Variants in AFAP1L1 observed in about 807,000 individuals in gnomAD.
The protein encoded by AFAP1L1 is actin filament associated protein 1 like 1.
In AFAP1L1, 77 loss-of-function variants were observed where a neutral mutation model predicts 99.8. The ratio of observed to expected loss-of-function variants is 0.77; its 90% CI spans 0.64 to 0.93. The LOEUF (loss-of-function observed/expected upper bound fraction) is 0.93. AFAP1L1 is among the 40% of genes least tolerant of loss of function. AFAP1L1 has a pLI of 0.00. For missense variants in AFAP1L1, 893 were observed against 996.8 expected, an observed-to-expected ratio of 0.90 and a Z score of 1.40; for synonymous variants, 373 against 395.3, an observed-to-expected ratio of 0.94 and a Z score of 0.67.
At chr5:149,302,179 T>C (rs932943017) in intron 4 of AFAP1L1, among the ~76,000 whole-genome samples, 3 of 152,214 alleles carry the variant, frequency 2.0e-5, no homozygotes, top group Non-Finnish European at 4.4e-5. Context: ...ACTACTACTG[T>C]TTGGCAGTCC....
Position 149,315,920 on chromosome 5 carries a change from A to T in AFAP1L1, c.1114+6A>T. 1 of 1,613,862 alleles carries T rather than the reference A, an allele frequency of 6.2e-7. No homozygotes were observed. Among genetic ancestry groups the T allele is most frequent in the Non-Finnish European group, 8.5e-7 (1 of 1,179,936 alleles). On this transcript the variant is annotated splice_donor_region_variant and intron_variant, in intron 10 of 18. Transcript: ENST00000296721. Reference sequence around the variant, plus strand: ...CCGGGAGACCTGTGATCACGGTAGGAGCCTCTGGGGGCTCAGGCTGGGGAA... The same window carrying T: ...CCGGGAGACCTGTGATCACGGTAGGTGCCTCTGGGGGCTCAGGCTGGGGAA...
intron 5 of AFAP1L1, among the ~76,000 whole-genome samples, 178 bp from the exon 6 acceptor site, chr5:149,306,128 G>T (rs902747225): frequency 6.6e-6 from 1 of 152,192 alleles, no homozygotes; most frequent in African/African-American, 2.4e-5. Flanking sequence ...CAGAGGGACT[G>T]TGGAGAGCTA....
intron 13 of AFAP1L1, 150 bp downstream of exon 13, chr5:149,319,877 C>G (rs1204280526): frequency 1.6e-6 from 2 of 1,226,374 alleles, no homozygotes; most frequent in Non-Finnish European, 1.1e-6. Context: ...GTGTCTTCCT[C>G]TTCCAGCAAA....
At chr5:149,317,632 C>A in intron 11 of AFAP1L1, 97 bp from the exon 12 acceptor site, 1 of 1,297,816 alleles carries the variant, frequency 7.7e-7, no homozygotes, top group Non-Finnish European at 1.1e-6. Flanking sequence ...TGACCAGGAC[C>A]CCGAGGCCTT....
Position 149,332,833 on chromosome 5 carries a change from CAGCCCTGGGGCTCTCCGTGAGCAGCA to C in AFAP1L1, c.2120_2145del (p.Leu707GlnfsTer8). 1 of 1,610,598 alleles carries C rather than the reference CAGCCCTGGGGCTCTCCGTGAGCAGCA, an allele frequency of 6.2e-7. No individual in the cohort carries two copies. Among genetic ancestry groups the C allele is most frequent in the Non-Finnish European group, 8.5e-7 (1 of 1,179,218 alleles). On this transcript the variant is annotated frameshift_variant, in exon 17 of 19. Coordinates refer to ENST00000296721, the MANE Select transcript of AFAP1L1 (RefSeq NM_152406.4). LOFTEE classifies it high-confidence loss of function. ...TTGCAGCAGTCCCTGGCAGGAGGGCCAGCCCTGGGGCTCTCCGTGAGCAGCAAGCCCAAGAGTGGGGTGAGTCCAGG... is the reference window on the plus strand; with the variant it reads ...TTGCAGCAGTCCCTGGCAGGAGGGCCAGCCCAAGAGTGGGGTGAGTCCAGG...
At chr5:149,275,709 C>T (rs759502444) in intron 1 of AFAP1L1, among the ~76,000 whole-genome samples, 13 of 152,018 alleles carry the variant, frequency 8.6e-5, no homozygotes, top group South Asian at 2.1e-4. Context: ...GGTTTCACCA[C>T]GTTAGCCAGG....
chr5:149,316,118 T>C (rs1183495379), intron 10 of AFAP1L1, 33 bp from the exon 11 acceptor site: 1 of 1,601,730 alleles, frequency 6.2e-7, no homozygotes, highest in Non-Finnish European at 8.5e-7. Context: ...GACTCAGGGC[T>C]CCCTCCACTC....
intron 1 of AFAP1L1, among the ~76,000 whole-genome samples, chr5:149,295,856 C>G (rs567614896): frequency 6.6e-6 from 1 of 152,254 alleles, no homozygotes; most frequent in African/African-American, 2.4e-5. Flanking sequence ...CTTTTCACTC[C>G]CATTCTCTAC....
intron 6 of AFAP1L1, among the ~76,000 whole-genome samples, chr5:149,306,632 C>T (rs1160858804): frequency 6.6e-6 from 1 of 152,246 alleles, no homozygotes; most frequent in Non-Finnish European, 1.5e-5. Flanking sequence ...CTTTTGATAA[C>T]TGATCTTAGG....
chr5:149,290,839 A>G (rs1344299179), intron 1 of AFAP1L1, among the ~76,000 whole-genome samples: 1 of 152,240 alleles, frequency 6.6e-6, no homozygotes, highest in Non-Finnish European at 1.5e-5. Context: ...AAAAGAAAAT[A>G]AAGTTTGCTC....
intron 1 of AFAP1L1, among the ~76,000 whole-genome samples, chr5:149,291,752 C>G (rs1755868558): frequency 6.6e-6 from 1 of 152,108 alleles, no homozygotes; most frequent in Non-Finnish European, 1.5e-5. Flanking sequence ...ACTCTAAAAT[C>G]ATGATCAGAA....
At chr5:149,313,093 T>G (rs1756686448) in intron 9 of AFAP1L1, among the ~76,000 whole-genome samples, 1 of 149,974 alleles carries the variant, frequency 6.7e-6, no homozygotes, top group African/African-American at 2.5e-5. Context: ...GCCATTGCAC[T>G]CCAGCCTGGG....
At chr5:149,303,685 A>AAC (rs145563644) in intron 5 of AFAP1L1, among the ~76,000 whole-genome samples, 34 of 151,850 alleles carry the variant, frequency 2.2e-4, no homozygotes, top group East Asian at 1.9e-4. Context: ...GGTGTACACA[A>AAC]ACACACACAC....
chr5:149,304,098 A>C (rs903479776), intron 5 of AFAP1L1, among the ~76,000 whole-genome samples: 1 of 152,194 alleles, frequency 6.6e-6, no homozygotes, highest in African/African-American at 2.4e-5. Context: ...TATTCTGGAC[A>C]TTTCACATAA....
Position 149,320,674 on chromosome 5 carries a change from TGG to T in AFAP1L1, c.1698+213_1698+214del, listed in dbSNP as rs1756925580. ...TGGTGTGGTGGAAAGAGACCCAGGT[TGG>T]GAGGAAGAAAGGGCTGTGCAGACTC... On this transcript the variant is annotated intron_variant, in intron 14 of 18. Coordinates refer to ENST00000296721, the MANE Select transcript of AFAP1L1 (RefSeq NM_152406.4). This position sits in a 1 kb window ranked among gnomAD's most constrained non-coding sequence, Gnocchi z 4.0. Among the ~76,000 whole-genome samples, 2 of 152,174 alleles carry T rather than the reference TGG, an allele frequency of 1.3e-5. No homozygotes were observed.
intron 1 of AFAP1L1, among the ~76,000 whole-genome samples, chr5:149,285,496 TGAAACCTGCCTGGGTGAG>T (rs1755650386): frequency 6.6e-6 from 1 of 152,172 alleles, no homozygotes; most frequent in African/African-American, 2.4e-5. Flanking sequence ...GGTGAAATGA[TGAAACCTGCCTGGGTGAG>T]GGAAGCCAAA....
At chr5:149,284,232 T>C (rs1324979880) in intron 1 of AFAP1L1, among the ~76,000 whole-genome samples, 1 of 152,200 alleles carries the variant, frequency 6.6e-6, no homozygotes, top group Non-Finnish European at 1.5e-5. Flanking sequence ...TTACTGGGTG[T>C]GTCCCAGTCC....
intron 4 of AFAP1L1, among the ~76,000 whole-genome samples, 188 bp downstream of exon 4, chr5:149,301,418 GT>G (rs1044073553): frequency 4.6e-5 from 7 of 152,090 alleles, no homozygotes; most frequent in East Asian, 1.9e-4. Context: ...CTCGCTGTGT[GT>G]TTTTTTTCTT....
chr5:149,286,992 G>C (rs952995630), intron 1 of AFAP1L1, among the ~76,000 whole-genome samples: 1 of 152,182 alleles, frequency 6.6e-6, no homozygotes, highest in Non-Finnish European at 1.5e-5. Flanking sequence ...GTTTAACCTT[G>C]CTAGGCCTCA....
Sources: allele counts gnomAD v4.1 joint callset (sites outside exome capture counted in the v4.1 genomes callset), GRCh38; gene constraint gnomAD v4.1.1; non-coding constraint Gnocchi (gnomAD v3.1); transcripts MANE v1.5; gene names NCBI Gene and HGNC (gene_info 2026-07-23, HGNC 2026-07-21).